The following UNC13C variants were observed in gnomAD, a reference collection of about 807,000 sequenced individuals.
UNC13C encodes the protein unc-13 homolog C.
Under a neutral mutation model 245.4 loss-of-function variants are expected in UNC13C, and 174 were observed. That is an observed-to-expected ratio of 0.71 (90% CI 0.63 to 0.80). The LOEUF is 0.80. Among genes scored for constraint, UNC13C ranks in the 30% least tolerant of loss-of-function variants. UNC13C has a pLI of 0.00. For missense variants in UNC13C, 2,829 were observed against 2,602.9 expected, an observed-to-expected ratio of 1.09 and a Z score of -1.89; for synonymous variants, 992 against 895.1, an observed-to-expected ratio of 1.11 and a Z score of -1.93.
intron 4 of UNC13C, among the ~76,000 whole-genome samples, chr15:54,179,851 A>C (rs930380099): frequency 3.9e-5 from 6 of 152,110 alleles, no homozygotes; most frequent in Non-Finnish European, 8.8e-5. Flanking sequence ...ACTGCAGTCA[A>C]ATTATTAAAT....
chr15:54,014,667 G>C lies in UNC13C; in HGVS notation c.1764G>C (p.Gln588His), dbSNP rs757540347. ...CATCTTCGGACCGGGAGCTATGGCA[G>C]AGGAAACAGGAAGGAACAGCGACCC... ...LLSSSDRELW[Q>H]RKQEGTATLY... The change falls in exon 2 of 33, where the codon CAG becomes CAC. Residue 588 changes from glutamine to histidine, a missense_variant. Gln to His is a conservative substitution (Grantham distance 24). Transcript: ENST00000260323. 5.0e-6 allele frequency: 8 copies of C among 1,613,584 alleles called. No homozygotes were observed. The East Asian group carries it at 1.8e-4, about 36-fold the overall frequency.
chr15:54,360,282 G>A (rs941093246), intron 17 of UNC13C, among the ~76,000 whole-genome samples: 1 of 152,056 alleles, frequency 6.6e-6, no homozygotes, highest in Non-Finnish European at 1.5e-5. Context: ...TTCAGCAGCT[G>A]TTGGATGACA....
At chr15:54,008,083 T>A (rs1356578527) in intron 1 of UNC13C, among the ~76,000 whole-genome samples, 2 of 152,254 alleles carry the variant, frequency 1.3e-5, no homozygotes, top group African/African-American at 2.4e-5. Flanking sequence ...ATTCTGGTAA[T>A]GATTTAGCAA....
the UNC13C span, among the ~76,000 whole-genome samples, chr15:53,842,889 A>G: frequency 7.2e-6 from 1 of 138,514 alleles, no homozygotes; most frequent in Non-Finnish European, 1.5e-5. Flanking sequence ...ATTTATATAT[A>G]ATTTTAAGTT....
chr15:54,487,913 G>A lies in UNC13C; in HGVS notation c.4934-6695G>A, dbSNP rs751377669. The stretch of plus-strand genomic sequence containing the variant: ...CAGATGATTTTTCCTGACATATTAC[G>A]TATAGTCATTTATTTTTTCATTTTT... On this transcript the variant is annotated intron_variant, in intron 19 of 32. Coordinates refer to ENST00000260323, the MANE Select transcript of UNC13C (RefSeq NM_001080534.3). Among the ~76,000 whole-genome samples the A allele has an allele frequency of 4.6e-4, 69 of 151,402 alleles. 1 individual carries two copies. Among genetic ancestry groups the A allele is most frequent in the Admixed American group, 2.6e-4 (4 of 15,194 alleles).
chr15:54,386,855 GC>G (rs2039848992), intron 17 of UNC13C, among the ~76,000 whole-genome samples: 2 of 152,164 alleles, frequency 1.3e-5, no homozygotes, highest in African/African-American at 2.4e-5. Flanking sequence ...GAGAAGAGGG[GC>G]ATGTGGCTCC....
At chr15:53,890,563 G>C in the UNC13C span, among the ~76,000 whole-genome samples, 2 of 152,178 alleles carry the variant, frequency 1.3e-5, no homozygotes, top group South Asian at 2.1e-4. Flanking sequence ...GTCTATTCAG[G>C]GATTTGACTT....
chr15:54,339,089 A>C (rs984890990), intron 17 of UNC13C, among the ~76,000 whole-genome samples: 1 of 152,022 alleles, frequency 6.6e-6, no homozygotes, highest in African/African-American at 2.4e-5. Flanking sequence ...GCTGGTCTTG[A>C]ACTCCTGACC....
chr15:54,102,174 C>A (rs1900198782), intron 2 of UNC13C, among the ~76,000 whole-genome samples: 1 of 151,480 alleles, frequency 6.6e-6, no homozygotes, highest in African/African-American at 2.4e-5. Flanking sequence ...TACAAATAAA[C>A]AAATGAACCA....
chr15:53,875,333 C>T, the UNC13C span, among the ~76,000 whole-genome samples: 1 of 152,042 alleles, frequency 6.6e-6, no homozygotes, highest in African/African-American at 2.4e-5. Flanking sequence ...GGCAGACTAG[C>T]GCAAGATTTC....
intron 30 of UNC13C, among the ~76,000 whole-genome samples, chr15:54,602,787 C>G (rs1349216773): frequency 2.4e-5 from 1 of 41,904 alleles, no homozygotes; most frequent in Admixed American, 2.2e-4. Context: ...CAATTCTTTG[C>G]ATTTCTTGAT....
rs1900984514 is a variant in UNC13C, at chr15:54,624,081, T to C, written c.6359+127T>C. 1.7e-6 allele frequency: 2 copies of C among 1,169,052 alleles called. 1 individual carries two copies. Among genetic ancestry groups the C allele is most frequent in the Middle Eastern group, 4.9e-4 (2 of 4,060 alleles). 72.4% of individuals were successfully genotyped at this position (1,169,052 alleles called of 1,614,324 possible). On this transcript the variant is annotated intron_variant, in intron 32 of 32. Transcript: ENST00000260323. ...AGGCTCTGTTTTTAGTTCCCTTCCA[T>C]TCATTCAATATCTGTTCAGTGCCTG...
the UNC13C span, among the ~76,000 whole-genome samples, chr15:53,945,120 T>C: frequency 6.6e-6 from 1 of 152,156 alleles, no homozygotes; most frequent in African/African-American, 2.4e-5. Flanking sequence ...TTATTTTTCT[T>C]GTACATTTAT....
intron 4 of UNC13C, among the ~76,000 whole-genome samples, chr15:54,205,439 G>T (rs940984049): frequency 6.6e-6 from 1 of 151,960 alleles, no homozygotes; most frequent in African/African-American, 2.4e-5. Flanking sequence ...GGTTCTTATT[G>T]TTCAAAAGTG....
intron 17 of UNC13C, among the ~76,000 whole-genome samples, chr15:54,355,626 G>A (rs901807674): frequency 6.6e-6 from 1 of 151,944 alleles, no homozygotes; most frequent in Non-Finnish European, 1.5e-5. Flanking sequence ...CCAAAGTGCT[G>A]GGATTACAGG....
chr15:54,055,906 T>C (rs1897492130), intron 2 of UNC13C, among the ~76,000 whole-genome samples: 1 of 152,076 alleles, frequency 6.6e-6, no homozygotes, highest in Non-Finnish European at 1.5e-5. Flanking sequence ...AGAAGAAAAA[T>C]ACTCAAAATG....
intron 30 of UNC13C, among the ~76,000 whole-genome samples, chr15:54,592,862 TG>T (rs1227508759): frequency 1.4e-4 from 16 of 111,522 alleles, no homozygotes; most frequent in South Asian, 6.5e-4. Flanking sequence ...CTTTGTTTTT[TG>T]TTTTTTTTTT....
At chr15:53,913,167 G>A in the UNC13C span, 3 of 152,238 alleles carry the variant, frequency 2.0e-5, no homozygotes, top group African/African-American at 7.2e-5. Flanking sequence ...TCTCTTGCAG[G>A]TTTAGAAGCA....
At chr15:54,108,389 G>A (rs188874958) in intron 2 of UNC13C, among the ~76,000 whole-genome samples, 219 of 152,142 alleles carry the variant, frequency 1.4e-3, no homozygotes, top group African/African-American at 4.9e-3. Context: ...GGGTTTCACC[G>A]TGTTAGCCAG....
Sources: gnomAD v4.1 joint callset for allele counts (sites outside exome capture counted in the v4.1 genomes callset) on GRCh38, gnomAD v4.1.1 for gene constraint, MANE v1.5 for transcripts, NCBI Gene and HGNC (gene_info 2026-07-23, HGNC 2026-07-21) for gene names.